Variants in RIC1 observed in about 807,000 individuals in gnomAD.
The protein encoded by RIC1 is RIC1 partner of RAB6A GEF complex, also known as guanine nucleotide exchange factor subunit RIC1.
In RIC1, 88 loss-of-function variants were observed where a neutral mutation model predicts 169.0. The observed-to-expected ratio is 0.52, with a 90% confidence interval of 0.44 to 0.62. The LOEUF (loss-of-function observed/expected upper bound fraction) is 0.62. Ranked by LOEUF, RIC1 falls within the 20% of genes least tolerant of loss-of-function variation. The probability of loss-of-function intolerance (pLI) is 0.00; values close to 1 mark genes in which losing one functional copy is unlikely to be tolerated. For synonymous variants in RIC1, 790 were observed against 601.5 expected, an observed-to-expected ratio of 1.31 and a Z score of -4.59; for missense variants, 1,877 against 1,725.5, an observed-to-expected ratio of 1.09 and a Z score of -1.56.
At chr9:5,653,865 G>A (rs1484227281) in intron 1 of RIC1, among the ~76,000 whole-genome samples, 1 of 152,014 alleles carries the variant, frequency 6.6e-6, no homozygotes, top group Non-Finnish European at 1.5e-5. Flanking sequence ...CAAAGTGCTG[G>A]GATTACAGGC....
At chr9:5,647,977 G>A (rs565512549) in intron 1 of RIC1, among the ~76,000 whole-genome samples, 286 of 62,352 alleles carry the variant, frequency 4.6e-3, no homozygotes, top group African/African-American at 0.012. Flanking sequence ...GGTGGTGATG[G>A]TGGTGGTGGT....
rs542819441 is a variant in RIC1 at position 5,771,694 on chromosome 9, A to G, written c.3617-870A>G. ...ACCAACACTCACTTTCAGTTTTTTG[A>G]TAGTAGTCATCCTAATGGGTGTGAG... On this transcript the variant is annotated intron_variant, in intron 23 of 25. Transcript: ENST00000414202. Among the ~76,000 whole-genome samples the G allele has an allele frequency of 2.0e-5, 3 of 152,252 alleles. 1 individual carries two copies. In the South Asian group the frequency reaches 6.2e-4, roughly 32 times the overall value.
At chr9:5,655,507 G>C (rs1415911243) in intron 1 of RIC1, among the ~76,000 whole-genome samples, 1 of 152,028 alleles carries the variant, frequency 6.6e-6, no homozygotes, top group Admixed American at 6.6e-5. Context: ...CACCATATTG[G>C]CCAGGCTGGT....
intron 3 of RIC1, among the ~76,000 whole-genome samples, chr9:5,695,009 T>C (rs1247836926): frequency 6.6e-6 from 1 of 152,092 alleles, no homozygotes; most frequent in Non-Finnish European, 1.5e-5. Context: ...ATTCTTCTAG[T>C]AGAGGGTGAT....
chr9:5,752,637 T>C (rs976667161), intron 12 of RIC1, among the ~76,000 whole-genome samples: 1 of 152,134 alleles, frequency 6.6e-6, no homozygotes, highest in African/African-American at 2.4e-5. Context: ...GATTTCGCCA[T>C]GTTGGTCAGG....
At chr9:5,663,273 C>T (rs1438070292) in intron 2 of RIC1, among the ~76,000 whole-genome samples, 1 of 152,014 alleles carries the variant, frequency 6.6e-6, no homozygotes, top group Non-Finnish European at 1.5e-5. Context: ...AGAGTAAGTG[C>T]CTTGTGATGA....
intron 2 of RIC1, among the ~76,000 whole-genome samples, chr9:5,676,958 G>A (rs1820487224): frequency 6.6e-6 from 1 of 152,096 alleles, no homozygotes; most frequent in African/African-American, 2.4e-5. Context: ...TTCCCGTTTG[G>A]GGCTGTAACA....
At chr9:5,719,214 T>A (rs1281723746) in intron 4 of RIC1, 1 of 152,224 alleles carries the variant, frequency 6.6e-6, no homozygotes, top group African/African-American at 2.4e-5. Flanking sequence ...ACCTTTGCGG[T>A]CTCATTTATG....
At chr9:5,753,101 C>A in intron 12 of RIC1, 99 bp from the exon 13 acceptor site, 1 of 1,080,864 alleles carries the variant, frequency 9.3e-7, no homozygotes, top group Non-Finnish European at 1.4e-6. Context: ...GCACCTTAAA[C>A]ATTGTTCGGC....
At chr9:5,699,266 T>C (rs1328161807) in intron 3 of RIC1, among the ~76,000 whole-genome samples, 1 of 152,196 alleles carries the variant, frequency 6.6e-6, no homozygotes, top group Non-Finnish European at 1.5e-5. Context: ...CCCAAAGATG[T>C]ACGCTTTGGG....
At chr9:5,720,063 A>G (rs1823493005) in intron 4 of RIC1, 119 bp from the exon 5 acceptor site, 2 of 668,790 alleles carry the variant, frequency 3.0e-6, no homozygotes, top group Non-Finnish European at 4.9e-6. Context: ...ATAAATGGAG[A>G]TGTTTTGTAA....
At chr9:5,726,750 T>C (rs951585913) in intron 6 of RIC1, among the ~76,000 whole-genome samples, 2 of 152,200 alleles carry the variant, frequency 1.3e-5, no homozygotes, top group African/African-American at 4.8e-5. Flanking sequence ...GCAGGCTTGG[T>C]GGTGACAAAA....
chr9:5,727,744 T>C (rs1239718172), intron 6 of RIC1, among the ~76,000 whole-genome samples: 1 of 152,238 alleles, frequency 6.6e-6, no homozygotes, highest in Non-Finnish European at 1.5e-5. Flanking sequence ...TTTCTGTTTG[T>C]TAGTTTTCCT....
intron 1 of RIC1, 78 bp downstream of exon 1, chr9:5,629,531 G>C: frequency 1.4e-6 from 2 of 1,451,718 alleles, no homozygotes; most frequent in South Asian, 2.7e-5. Context: ...CTTCCACCCA[G>C]AGCCTAGGAC....
intron 2 of RIC1, among the ~76,000 whole-genome samples, chr9:5,681,200 C>A (rs1586936104): frequency 6.6e-6 from 1 of 152,226 alleles, no homozygotes; most frequent in East Asian, 1.9e-4. Flanking sequence ...TTACCTTCTG[C>A]TAGCTTTTGA....
At chr9:5,637,473 T>C (rs972924333) in intron 1 of RIC1, among the ~76,000 whole-genome samples, 3 of 152,224 alleles carry the variant, frequency 2.0e-5, no homozygotes, top group African/African-American at 7.2e-5. Context: ...ACAATCCATA[T>C]GTACTCATAG....
intron 21 of RIC1, 84 bp from the exon 22 acceptor site, chr9:5,768,886 G>T: frequency 1.4e-6 from 2 of 1,410,074 alleles, no homozygotes; most frequent in East Asian, 2.3e-5. Flanking sequence ...CTCCTTGTCA[G>T]CTTTATCAGT....
At chr9:5,645,177 C>A (rs1479148047) in intron 1 of RIC1, among the ~76,000 whole-genome samples, 1 of 152,038 alleles carries the variant, frequency 6.6e-6, no homozygotes, top group Non-Finnish European at 1.5e-5. Context: ...CCCCAGCCTC[C>A]CTAGTAGCTG....
intron 13 of RIC1, 46 bp from the exon 14 acceptor site, chr9:5,753,490 G>A: frequency 8.5e-7 from 1 of 1,172,520 alleles, no homozygotes; most frequent in African/African-American, 1.5e-5. Context: ...GCCTAATAAA[G>A]TATATAGGTT....
Sources: gnomAD v4.1 joint callset for allele counts (sites outside exome capture counted in the v4.1 genomes callset) on GRCh38, gnomAD v4.1.1 for gene constraint, MANE v1.5 for transcripts, NCBI Gene and HGNC (gene_info 2026-07-23, HGNC 2026-07-21) for gene names.